Variants in FAM234A observed in about 807,000 individuals in gnomAD.
The protein encoded by FAM234A is family with sequence similarity 234 member A.
Under a neutral mutation model 49.1 loss-of-function variants are expected in FAM234A, and 42 were observed. That is an observed-to-expected ratio of 0.86 (90% confidence interval 0.67 to 1.11). The LOEUF is 1.11. Among genes scored for constraint, FAM234A ranks in the 50% least tolerant of loss-of-function variants. The probability of loss-of-function intolerance (pLI) is 0.00; values close to 1 mark genes in which losing one functional copy is unlikely to be tolerated. For missense variants in FAM234A, 815 were observed against 745.2 expected (o/e 1.09, Z -1.09); for synonymous variants, 369 against 316.2 (o/e 1.17, Z -1.77).
intron 1 of FAM234A, among the ~76,000 whole-genome samples, chr16:239,614 CAAAAAAAA>C (rs534376069): frequency 9.8e-6 from 1 of 102,356 alleles, no homozygotes; most frequent in Non-Finnish European, 2.2e-5. Flanking sequence ...GGCCCCGTCT[CAAAAAAAA>C]AAAAAAAAAA....
In FAM234A at chr16:265,434, C is replaced by T. The variant is rs1156286126; in HGVS notation, c.*412C>T. The T allele has an allele frequency of 2.0e-6, 2 of 1,007,564 alleles. No homozygotes were observed. 62.4% of individuals were successfully genotyped at this position (1,007,564 alleles called of 1,614,324 possible). A position where few individuals can be genotyped will look rare whatever the true frequency, so the allele number is the denominator to read the frequency against. ...ATCGCGTAGAAAGAACCAGGGTGTCCCCGGGACAGGCCGTCCCCCACCCCA... is the reference window on the plus strand; with the variant it reads ...ATCGCGTAGAAAGAACCAGGGTGTCTCCGGGACAGGCCGTCCCCCACCCCA... On this transcript the variant is annotated 3_prime_UTR_variant, in exon 13 of 13. Transcript: ENST00000399932.
intron 1 of FAM234A, among the ~76,000 whole-genome samples, chr16:247,322 C>T (rs78833000): frequency 0.018 from 2,720 of 151,126 alleles, 100 homozygotes; most frequent in African/African-American, 0.063. Flanking sequence ...TTTTTAGAAA[C>T]GGTCTCACCG....
At chr16:235,126 G>A (rs1480450505) in intron 1 of FAM234A, among the ~76,000 whole-genome samples, 2 of 152,226 alleles carry the variant, frequency 1.3e-5, no homozygotes, top group African/African-American at 2.4e-5. Context: ...GGGTTTCAGT[G>A]GCATTCAGAA....
rs2051363388 is a variant in FAM234A at position 259,348 on chromosome 16, A to C, written c.269-135A>C. On this transcript the variant is annotated intron_variant, in intron 3 of 12. Coordinates refer to ENST00000399932, the MANE Select transcript of FAM234A (RefSeq NM_032039.4). Reference sequence around the variant, plus strand: ...AAGGAAATTACTCATCCTAGTGAGGAAGAAGCCACCGTCCTCGTTGGGTGC... The same window carrying C: ...AAGGAAATTACTCATCCTAGTGAGGCAGAAGCCACCGTCCTCGTTGGGTGC... 3 of 657,518 alleles carry C rather than the reference A, an allele frequency of 4.6e-6. No homozygotes were observed. The South Asian group carries it at 5.8e-5, about 13-fold the overall frequency. The allele number at this position is 657,518 out of a possible 1,614,324, so 40.7% of individuals were successfully genotyped here.
Position 254,560 on chromosome 16 carries a change from G to A in FAM234A, c.147G>A (p.Ala49=), listed in dbSNP as rs376058162. 22 of 1,614,030 alleles carry A rather than the reference G, an allele frequency of 1.4e-5. No homozygotes were observed. The highest frequency in any genetic ancestry group is 1.3e-4 in the East Asian group (6 of 44,900). ...PPQSRLSRCR[A]AAFFLSLFLC... is the part of the protein sequence containing the mutation. ...AGTCCCGGCTCTCCCGGTGCCGAGCGGCGGCGTTTTTTCTTTCATTGTTTC... is the reference window on the plus strand; with the variant it reads ...AGTCCCGGCTCTCCCGGTGCCGAGCAGCGGCGTTTTTTCTTTCATTGTTTC... The change falls in exon 3 of 13, where the codon GCG becomes GCA. Residue 49 remains alanine, a synonymous_variant. Coordinates refer to ENST00000399932, the MANE Select transcript of FAM234A (RefSeq NM_032039.4).
downstream of FAM234A, chr16:269,263 G>T: frequency 6.5e-7 from 1 of 1,546,564 alleles, no homozygotes; most frequent in Non-Finnish European, 8.8e-7. Context: ...AGATGGGCCA[G>T]GTCCACTAGG....
At chr16:236,702 C>A (rs1186046846) in intron 1 of FAM234A, among the ~76,000 whole-genome samples, 1 of 150,074 alleles carries the variant, frequency 6.7e-6, no homozygotes, top group Non-Finnish European at 1.5e-5. Flanking sequence ...GTCAGGAGAT[C>A]GAGACCATCG....
chr16:262,652 G>C, intron 8 of FAM234A, 99 bp downstream of exon 8: 1 of 1,276,670 alleles, frequency 7.8e-7, no homozygotes, highest in East Asian at 2.7e-5. Flanking sequence ...GCCCAGAGCA[G>C]CCCCACCGGC....
chr16:260,189 C>G, intron 5 of FAM234A, 29 bp downstream of exon 5: 1 of 1,603,350 alleles, frequency 6.2e-7, no homozygotes, highest in Non-Finnish European at 8.5e-7. Context: ...GGGGTTCTCA[C>G]TGAGGGCCTC....
rs779285241 is a variant in FAM234A at position 264,761 on chromosome 16, G to A, written c.1447+45G>A. The A allele has an allele frequency of 8.1e-6, 13 of 1,607,124 alleles. No homozygotes were observed. The East Asian group carries it at 2.7e-4, about 33-fold the overall frequency. ...GGGACCCGGGTGTTCCGCGGGGTCT[G>A]CCCTGGCTGGTCCTGAGCCGCCCTG... On this transcript the variant is annotated intron_variant, in intron 12 of 12. Transcript: ENST00000399932.
intron 1 of FAM234A, among the ~76,000 whole-genome samples, chr16:236,955 T>C (rs2050426470): frequency 6.6e-6 from 1 of 151,704 alleles, no homozygotes; most frequent in African/African-American, 2.4e-5. Context: ...ATGGGGTCTC[T>C]CTTTCTCAGT....
At chr16:268,719 G>C (rs1006390642), downstream of FAM234A, 13 of 1,522,360 alleles carry the variant, frequency 8.5e-6, no homozygotes, top group Non-Finnish European at 1.2e-5. Context: ...GCGCAGCTCC[G>C]GAAGGCAGTG....
In FAM234A at chr16:234,906, G is replaced by C. The variant is rs534876258; in HGVS notation, c.-140+49G>C. ...CGCGCGTGCACGCCGCAGGGGCGCC[G>C]CAGGCCGCCCCTTCGCTCTGGGACC... On this transcript the variant is annotated intron_variant, in intron 1 of 12. Transcript: ENST00000399932. 20 of 152,374 alleles carry C rather than the reference G, an allele frequency of 1.3e-4. 1 individual carries two copies. The East Asian group carries it at 2.5e-3, about 19-fold the overall frequency. The allele number at this position is 152,374 out of a possible 1,614,324, so 9.4% of individuals were successfully genotyped here.
chr16:251,691 T>TG (rs2051017558), intron 2 of FAM234A, among the ~76,000 whole-genome samples: 1 of 143,272 alleles, frequency 7.0e-6, no homozygotes, highest in Admixed American at 6.9e-5. Flanking sequence ...TTTTTTTTTT[T>TG]TTTTTTTTTT....
intron 1 of FAM234A, among the ~76,000 whole-genome samples, chr16:241,242 C>G (rs544325957): frequency 1.3e-5 from 2 of 149,722 alleles, no homozygotes; most frequent in East Asian, 3.9e-4. Context: ...AAACACTTAT[C>G]TTGACCGCAG....
intron 11 of FAM234A, 111 bp downstream of exon 11, chr16:264,282 T>G: frequency 8.7e-7 from 1 of 1,147,798 alleles, no homozygotes. Flanking sequence ...CAACCTCACA[T>G]AAGTTGAAGT....
chr16:237,773 G>A (rs1341806989), intron 1 of FAM234A, among the ~76,000 whole-genome samples: 1 of 146,094 alleles, frequency 6.8e-6, no homozygotes. Context: ...GTGCAGTGAC[G>A]TGATCTTGGC....
intron 1 of FAM234A, among the ~76,000 whole-genome samples, chr16:239,613 T>G (rs1596738435): frequency 1.1e-5 from 1 of 88,258 alleles, no homozygotes; most frequent in Admixed American, 1.1e-4. Context: ...AGGCCCCGTC[T>G]CAAAAAAAAA....
At chr16:268,951 A>G, downstream of FAM234A, 1 of 1,549,968 alleles carries the variant, frequency 6.5e-7, no homozygotes, top group East Asian at 2.4e-5. Flanking sequence ...CCAGTGCTGG[A>G]CTGAAGACCA....
Sources: allele counts gnomAD v4.1 joint callset (sites outside exome capture counted in the v4.1 genomes callset), GRCh38; gene constraint gnomAD v4.1.1; transcripts MANE v1.5; gene names NCBI Gene and HGNC (gene_info 2026-07-23, HGNC 2026-07-21).